GPR173: variants seen among roughly 807,000 people sequenced by gnomAD.
GPR173 encodes the protein G protein-coupled receptor 173, also known as probable G protein-coupled receptor 173.
A neutral mutation model predicts 13.9 loss-of-function variants in GPR173; 2 were observed. The observed-to-expected ratio is 0.14, with a 90% CI of 0.06 to 0.45. The LOEUF is 0.45. GPR173 is among the 20% of genes least tolerant of loss of function. The pLI is 0.98. For missense variants in GPR173, 202 were observed against 340.5 expected (o/e 0.59, Z 3.20); for synonymous variants, 131 against 141.0 (o/e 0.93, Z 0.50).
chrX:53,061,983 G>A (rs73634279), intron 1 of GPR173, among the ~76,000 whole-genome samples: 51 of 61,050 alleles, frequency 8.4e-4, no homozygotes, highest in African/African-American at 3.9e-3. Flanking sequence ...AGAAGGGAAG[G>A]GAAGAGAAAG....
intron 1 of GPR173, among the ~76,000 whole-genome samples, chrX:53,062,870 C>T (rs1932147852): frequency 1.8e-5 from 2 of 111,701 alleles, no homozygotes; most frequent in African/African-American, 6.5e-5. Context: ...TTTGACTCTG[C>T]GTCCTGCATC....
At chrX:53,049,935 G>GATGT (rs1166615398) in intron 1 of GPR173, among the ~76,000 whole-genome samples, 3 of 93,011 alleles carry the variant, frequency 3.2e-5, no homozygotes, top group African/African-American at 1.3e-4. Context: ...CTGCTGGCCG[G>GATGT]GTGTGTGTGT....
chrX:53,050,574 T>C (rs1359070066), intron 1 of GPR173, among the ~76,000 whole-genome samples: 2 of 112,277 alleles, frequency 1.8e-5, no homozygotes, highest in Non-Finnish European at 3.8e-5. Context: ...CCTTCCCTGA[T>C]GGGTGTGTGT....
In GPR173 at chrX:53,049,060, G is replaced by A. The variant is rs1200690780; in HGVS notation, c.-522G>A. On this transcript the variant is annotated 5_prime_UTR_variant, in exon 1 of 2. Coordinates refer to ENST00000332582, the MANE Select transcript of GPR173 (RefSeq NM_018969.6). ...GGCGGCGGCCAGCAGGCAGACGGAG[G>A]GGGGGGGTGGGGGGTGGGGGGGGTA... is the stretch of plus-strand genomic sequence containing the variant. 6 of 69,794 alleles carry A rather than the reference G, an allele frequency of 8.6e-5. No individual in the cohort carries two copies. Among genetic ancestry groups the A allele is most frequent in the African/African-American group, 3.5e-4 (5 of 14,439 alleles). The allele number at this position is 69,794 out of a possible 1,213,427, so 5.8% of individuals were successfully genotyped here.
At chrX:53,055,855 T>C (rs782604775) in intron 1 of GPR173, among the ~76,000 whole-genome samples, 2 of 107,295 alleles carry the variant, frequency 1.9e-5, no homozygotes, top group South Asian at 8.3e-4. Context: ...GTATTTGGAG[T>C]GTGCGTGTGC....
At position 53,077,362 on chromosome X, in the gene GPR173, C is replaced by T. The variant is rs782508151; in HGVS notation, c.741C>T (p.Ala247=). ...GCCAGGCTGCTGCCAACTGGATCGC[C>T]GGCTTTGGCCGTGGGCCCATGCCAC... The part of the protein sequence containing the change: ...ATGQAAANWI[A]GFGRGPMPPT... The change falls in exon 2 of 2, where the codon GCC becomes GCT. Residue 247 remains alanine, a synonymous_variant. Coordinates refer to ENST00000332582, the MANE Select transcript of GPR173 (RefSeq NM_018969.6). The T allele has an allele frequency of 5.8e-6, 7 of 1,198,002 alleles. No individual in the cohort carries two copies. Among genetic ancestry groups the T allele is most frequent in the Non-Finnish European group, 6.8e-6 (6 of 888,462 alleles).
At chrX:53,069,953 G>T (rs1241223001) in intron 1 of GPR173, among the ~76,000 whole-genome samples, 1 of 110,222 alleles carries the variant, frequency 9.1e-6, no homozygotes, top group Non-Finnish European at 1.9e-5. Context: ...CTTTTTTCTG[G>T]GTGCATATAT....
At position 53,079,616 on chromosome X, in the gene GPR173, T is replaced by C. The variant is rs1932503771; in HGVS notation, c.*1873T>C. 8.2e-6 allele frequency: 1 copy of C among 121,460 alleles called. No individual in the cohort carries two copies. The highest frequency in any genetic ancestry group is 3.7e-4 in the South Asian group (1 of 2,734). The allele number at this position is 121,460 out of a possible 1,213,427, so 10.0% of individuals were successfully genotyped here. A position where few individuals can be genotyped will look rare whatever the true frequency, so the allele number is the denominator to read the frequency against. ...GTGTGTGTGTGTGTGCGTGCGTGCG[T>C]GCATGTGCCCTGTCTGACCACATGT... On this transcript the variant is annotated 3_prime_UTR_variant, in exon 2 of 2. Transcript: ENST00000332582.
In GPR173 at chrX:53,076,608, C is replaced by T. The variant is rs782294462; in HGVS notation, c.-14C>T. ...CTGACCCCCTAGGGTTGGCAGTAGC[C>T]CCTGACCCTCAGTATGGCCAACACT... On this transcript the variant is annotated 5_prime_UTR_variant, in exon 2 of 2. Transcript: ENST00000332582. The T allele has an allele frequency of 3.4e-6, 4 of 1,171,290 alleles. No individual in the cohort carries two copies. The highest frequency in any genetic ancestry group is 4.6e-6 in the Non-Finnish European group (4 of 871,719).
chrX:53,073,496 T>A (rs1241665365), intron 1 of GPR173, among the ~76,000 whole-genome samples: 2 of 110,324 alleles, frequency 1.8e-5, no homozygotes, highest in Non-Finnish European at 3.8e-5. Context: ...GCAGCTTTGC[T>A]GCGCTGCTCT....
rs1009673284 is a variant in GPR173 at position 53,078,030 on chromosome X, C to G, written c.*287C>G. On this transcript the variant is annotated 3_prime_UTR_variant, in exon 2 of 2. Transcript: ENST00000332582. ...TCTCTCTCTCTCTGTCTCTCTCTCT[C>G]TCTCTCTCTCTCTCTCAGAAGTGAC... The G allele has an allele frequency of 1.5e-5, 5 of 326,970 alleles. No homozygotes were observed. Among genetic ancestry groups the G allele is most frequent in the African/African-American group, 1.3e-4 (5 of 37,434 alleles). The allele number at this position is 326,970 out of a possible 1,213,427, so 26.9% of individuals were successfully genotyped here. A position where few individuals can be genotyped will look rare whatever the true frequency, so the allele number is the denominator to read the frequency against.
chrX:53,065,320 G>T, intron 1 of GPR173: 1 of 112,014 alleles, frequency 8.9e-6, no homozygotes, highest in East Asian at 2.8e-4. Context: ...TGTATGAAAT[G>T]TAGCTGCATG....
At chrX:53,071,120 A>G (rs1932251975) in intron 1 of GPR173, 1 of 112,218 alleles carries the variant, frequency 8.9e-6, no homozygotes, top group Non-Finnish European at 1.9e-5. Flanking sequence ...GGCATGTGCC[A>G]CCACGCCCTG....
intron 1 of GPR173, among the ~76,000 whole-genome samples, chrX:53,059,332 G>T (rs782068744): frequency 1.9e-5 from 2 of 107,502 alleles, no homozygotes; most frequent in East Asian, 3.0e-4. Flanking sequence ...TCACTCTGTC[G>T]CCCAGGCTGG....
Position 53,077,296 on chromosome X carries a change from C to T in GPR173, c.675C>T (p.Ala225=). ...RKMKPVQMVP[A]ISQNWTFHGP... The stretch of plus-strand genomic sequence containing the variant: ...TGAAGCCAGTGCAGATGGTGCCAGC[C>T]ATCAGCCAGAACTGGACATTCCATG... Residue 225 remains alanine, a synonymous_variant, in exon 2 of 2, where the codon GCC becomes GCT. Coordinates refer to ENST00000332582, the MANE Select transcript of GPR173 (RefSeq NM_018969.6). 5.0e-6 allele frequency: 6 copies of T among 1,189,776 alleles called. No homozygotes were observed. The highest frequency in any genetic ancestry group is 4.5e-6 in the Non-Finnish European group (4 of 883,284).
intron 1 of GPR173, among the ~76,000 whole-genome samples, chrX:53,060,941 C>A (rs1220616977): frequency 1.4e-5 from 1 of 72,038 alleles, no homozygotes; most frequent in African/African-American, 5.2e-5. Flanking sequence ...CAGACACTTC[C>A]AGAGGAGGAT....
chrX:53,072,141 G>A (rs183170566), intron 1 of GPR173, among the ~76,000 whole-genome samples: 1 of 106,341 alleles, frequency 9.4e-6, no homozygotes, highest in East Asian at 3.0e-4. Context: ...ATTGTTTGGG[G>A]GGGATGTGGG....
chrX:53,073,443 T>C (rs998897285), intron 1 of GPR173, among the ~76,000 whole-genome samples: 1 of 110,411 alleles, frequency 9.1e-6, no homozygotes, highest in African/African-American at 3.3e-5. Flanking sequence ...CCTGTGCTGT[T>C]ACCTGGTCAC....
At chrX:53,076,272 C>T (rs1932429735) in intron 1 of GPR173, among the ~76,000 whole-genome samples, 1 of 110,150 alleles carries the variant, frequency 9.1e-6, no homozygotes, top group African/African-American at 3.3e-5. Flanking sequence ...GTCTCTCTCT[C>T]TCTCCCCTCT....
Sources: allele counts gnomAD v4.1 joint callset (sites outside exome capture counted in the v4.1 genomes callset), GRCh38; gene constraint gnomAD v4.1.1; transcripts MANE v1.5; gene names NCBI Gene and HGNC (gene_info 2026-07-23, HGNC 2026-07-21).